The following SMIM27 variants were observed in gnomAD, a reference collection of about 807,000 sequenced individuals.
The protein encoded by SMIM27 is TOPORS antisense RNA 1 (non-protein coding).
SMIM27 carries 3 observed loss-of-function variants against 1.8 expected under a neutral mutation model. The ratio of observed to expected loss-of-function variants is 1.65; its 90% CI spans 0.75 to 4.28. The LOEUF (loss-of-function observed/expected upper bound fraction) is 4.28. Among genes scored for constraint, SMIM27 ranks in the 30% most tolerant of loss-of-function variants. The pLI, the probability that SMIM27 is intolerant of heterozygous loss-of-function variation, is 0.02. For missense variants in SMIM27, 63 were observed against 37.0 expected (o/e 1.70, Z -1.83); for synonymous variants, 19 against 13.9 (o/e 1.37, Z -0.82).
At position 32,566,852 on chromosome 9, in the gene SMIM27, G is replaced by A. The variant is rs570321523; in HGVS notation, c.*399G>A. On this transcript the variant is annotated 3_prime_UTR_variant, in exon 2 of 2. Coordinates refer to the SMIM27 transcript ENST00000451672. ...GCCTGCTCATCACACAGTAGCTGCC[G>A]GGCGGCCTGGATGAGCCACGCGTGC... The A allele has an allele frequency of 1.7e-3, 1,373 of 803,758 alleles. 13 individuals carry two copies. The African/African-American group carries it at 0.021, about 13-fold the overall frequency. The allele number at this position is 803,758 out of a possible 1,614,324, so 49.8% of individuals were successfully genotyped here.
downstream of SMIM27, chr9:32,553,824 T>G: frequency 8.7e-7 from 1 of 1,152,402 alleles, no homozygotes; most frequent in Non-Finnish European, 1.3e-6. Flanking sequence ...GTAAATATGG[T>G]AATATAGGAA....
chr9:32,552,263 G>A (rs1821296493), upstream of SMIM27: 5 of 853,090 alleles, frequency 5.9e-6, no homozygotes, highest in African/African-American at 1.7e-5. Context: ...ACGTGATACC[G>A]CCCCCCAACT....
Position 32,566,797 on chromosome 9 carries a change from G to C in SMIM27, c.*344G>C, listed in dbSNP as rs918920209. Reference sequence around the variant, plus strand: ...ACGTTCTGGCTGACGTTGTACAGGAGGTCGGCCAGCAGTCTCTGCCTCTGT... The same window carrying C: ...ACGTTCTGGCTGACGTTGTACAGGACGTCGGCCAGCAGTCTCTGCCTCTGT... On this transcript the variant is annotated 3_prime_UTR_variant, in exon 2 of 2. Transcript: ENST00000451672. 117 of 907,470 alleles carry C rather than the reference G, an allele frequency of 1.3e-4. 2 individuals carry two copies. The Admixed American group carries it at 2.0e-3, about 16-fold the overall frequency. 56.2% of individuals were successfully genotyped at this position (907,470 alleles called of 1,614,324 possible).
At chr9:32,560,873 G>C (rs922724821) in intron 1 of SMIM27, among the ~76,000 whole-genome samples, 3 of 152,090 alleles carry the variant, frequency 2.0e-5, no homozygotes, top group East Asian at 3.8e-4. Flanking sequence ...AAAAAAATAT[G>C]TTTTTATATT....
At chr9:32,561,677 C>A (rs1365682048) in intron 1 of SMIM27, among the ~76,000 whole-genome samples, 1 of 152,122 alleles carries the variant, frequency 6.6e-6, no homozygotes, top group Non-Finnish European at 1.5e-5. Flanking sequence ...CCTTCCAATA[C>A]CCTACTTGTA....
upstream of SMIM27, chr9:32,551,583 T>C (rs925195490): frequency 2.0e-5 from 5 of 253,226 alleles, no homozygotes; most frequent in Non-Finnish European, 4.2e-5. Context: ...TAAAACTCTT[T>C]TAAGATAACT....
Position 32,552,981 on chromosome 9 carries a change from T to C in SMIM27, c.*58T>C. 3.2e-6 allele frequency: 2 copies of C among 619,282 alleles called. No individual in the cohort carries two copies. Among genetic ancestry groups the C allele is most frequent in the Non-Finnish European group, 2.9e-6 (1 of 345,288 alleles). The allele number at this position is 619,282 out of a possible 1,614,324, so 38.4% of individuals were successfully genotyped here. On this transcript the variant is annotated 3_prime_UTR_variant, in exon 2 of 2. Transcript: ENST00000692500. The stretch of plus-strand genomic sequence containing the variant: ...TCTTTCCCTCATGCTTATGTAGATA[T>C]AAAAATAAAATTCATAATGCAAAGT...
At chr9:32,552,174 CAAAAA>C (rs35415231), upstream of SMIM27, 1,177 of 492,518 alleles carry the variant, frequency 2.4e-3, no homozygotes, top group East Asian at 2.9e-3. Context: ...CCTTAGTTGG[CAAAAA>C]AAAAAAAAAA....
At chr9:32,551,363 AC>A, upstream of SMIM27, 1 of 342,408 alleles carries the variant, frequency 2.9e-6, no homozygotes, top group Non-Finnish European at 5.7e-6. Context: ...GAAGTCTCTC[AC>A]CTCCTGTTGT....
Position 32,552,821 on chromosome 9 carries a change from A to C in SMIM27, c.66A>C (p.Leu22Phe), listed in dbSNP as rs1312637556. The change falls in exon 2 of 2, where the codon TTA becomes TTC. Residue 22 changes from leucine (L) to phenylalanine (F), a missense_variant. By Grantham distance (22) the Leu-to-Phe change is conservative (BLOSUM62 0). Coordinates refer to ENST00000692500, the MANE Select transcript of SMIM27 (RefSeq NM_001387564.1). ...TTTAGTTGCTGCTTGCCATCGTTTT[A>C]ATCTCCTGGGGCTGCATCATCTATG... ...IYSVLLLAIVLISWGCIIYAS... is the reference protein window; with the variant it reads ...IYSVLLLAIVFISWGCIIYAS... 1.4e-5 allele frequency: 10 copies of C among 702,096 alleles called. No homozygotes were observed. The Admixed American group carries it at 1.8e-4, about 13-fold the overall frequency. The allele number at this position is 702,096 out of a possible 1,614,324, so 43.5% of individuals were successfully genotyped here.
intron 1 of SMIM27, among the ~76,000 whole-genome samples, chr9:32,562,880 C>G (rs1236495437): frequency 6.6e-6 from 1 of 152,214 alleles, no homozygotes; most frequent in Non-Finnish European, 1.5e-5. Context: ...AACACCGTCA[C>G]TGTTCTTACA....
At chr9:32,563,490 G>GTTTTTTTTTTT (rs1239149080) in intron 1 of SMIM27, among the ~76,000 whole-genome samples, 1 of 47,562 alleles carries the variant, frequency 2.1e-5, no homozygotes. Context: ...GGACTATTGG[G>GTTTTTTTTTTT]CTTTTTTTTT....
downstream of SMIM27, among the ~76,000 whole-genome samples, chr9:32,556,597 C>T (rs1010669686): frequency 6.6e-6 from 1 of 152,166 alleles, no homozygotes; most frequent in Admixed American, 6.5e-5. Context: ...GAAAGAACCA[C>T]AGTGGCAAAA....
At chr9:32,563,040 G>C (rs1821671584) in intron 1 of SMIM27, among the ~76,000 whole-genome samples, 1 of 152,174 alleles carries the variant, frequency 6.6e-6, no homozygotes, top group Non-Finnish European at 1.5e-5. Flanking sequence ...AGGGAGAACA[G>C]CCCCTCAGTT....
intron 1 of SMIM27, among the ~76,000 whole-genome samples, chr9:32,561,119 TC>T (rs1174622177): frequency 6.6e-6 from 1 of 152,216 alleles, no homozygotes; most frequent in Non-Finnish European, 1.5e-5. Context: ...TACAAACTAT[TC>T]TCTCACCCTT....
At chr9:32,557,826 A>G (rs1821510977), downstream of SMIM27, among the ~76,000 whole-genome samples, 1 of 152,102 alleles carries the variant, frequency 6.6e-6, no homozygotes, top group African/African-American at 2.4e-5. Flanking sequence ...ACCGCTGGCC[A>G]GTTTTGGTGG....
At chr9:32,553,968 G>T, downstream of SMIM27, 1 of 1,481,374 alleles carries the variant, frequency 6.8e-7, no homozygotes, top group Non-Finnish European at 9.4e-7. Flanking sequence ...GATACAGTTA[G>T]TACAAAAATC....
rs1418674328 is a variant in SMIM27, at chr9:32,552,485, T to G, written c.45+6T>G. On this transcript the variant is annotated splice_donor_region_variant and intron_variant, in intron 1 of 1. Coordinates refer to ENST00000692500, the MANE Select transcript of SMIM27 (RefSeq NM_001387564.1). Reference sequence around the variant, plus strand: ...TGGACTGGATTTATTCAGTGGTAAGTCCCGGGGATCGCGGGCCCCCACCGT... The same window carrying G: ...TGGACTGGATTTATTCAGTGGTAAGGCCCGGGGATCGCGGGCCCCCACCGT... 12 of 1,588,460 alleles carry G rather than the reference T, an allele frequency of 7.6e-6. No individual in the cohort carries two copies. The highest frequency in any genetic ancestry group is 9.4e-6 in the Non-Finnish European group (11 of 1,167,978).
chr9:32,566,431 T>A, exon 2 of SMIM27: 1 of 838,448 alleles, frequency 1.2e-6, no homozygotes, highest in Non-Finnish European at 2.1e-6. Context: ...CCTGTTACTG[T>A]AGGGGTTGAT....
Sources: allele counts gnomAD v4.1 joint callset (sites outside exome capture counted in the v4.1 genomes callset), GRCh38; gene constraint gnomAD v4.1.1; transcripts MANE v1.5; gene names NCBI Gene and HGNC (gene_info 2026-07-23, HGNC 2026-07-21).